Variants in CCDC112 observed in about 807,000 individuals in gnomAD.
CCDC112 encodes coiled-coil domain containing 112, also known as coiled-coil domain-containing protein 112.
CCDC112 carries 40 observed loss-of-function variants against 66.3 expected under a neutral mutation model. The ratio of observed to expected loss-of-function variants is 0.60; its 90% CI spans 0.47 to 0.79. CCDC112 has a LOEUF of 0.79. Among genes scored for constraint, CCDC112 ranks in the 30% least tolerant of loss-of-function variants. CCDC112 has a pLI of 0.00. For synonymous variants in CCDC112, 214 were observed against 197.2 expected (o/e 1.09, Z -0.71); for missense variants, 659 against 603.8 (o/e 1.09, Z -0.96).
intron 1 of CCDC112, among the ~76,000 whole-genome samples, chr5:115,289,921 G>A (rs767523332): frequency 4.6e-5 from 7 of 152,154 alleles, no homozygotes; most frequent in Non-Finnish European, 7.4e-5. Flanking sequence ...GGCCTCAAGC[G>A]ATCTTCCTGC....
At chr5:115,268,003 AAT>A in intron 9 of CCDC112, 85 bp from the exon 10 acceptor site, 6 of 1,026,666 alleles carry the variant, frequency 5.8e-6, no homozygotes, top group Non-Finnish European at 7.6e-6. Flanking sequence ...CTAACTTTAA[AAT>A]ATATATATAA....
chr5:115,277,629 C>T (rs905020360), intron 3 of CCDC112, among the ~76,000 whole-genome samples: 4 of 152,006 alleles, frequency 2.6e-5, no homozygotes, highest in Admixed American at 1.3e-4. Flanking sequence ...TGCCACAGGT[C>T]GCCAAGCTCA....
intron 3 of CCDC112, chr5:115,277,286 G>A (rs1025351849): frequency 2.6e-5 from 8 of 304,080 alleles, no homozygotes; most frequent in African/African-American, 6.5e-5. Flanking sequence ...ACTATAACCC[G>A]TGCTAAGGAA....
At chr5:115,281,899 T>A (rs1310811489) in intron 2 of CCDC112, among the ~76,000 whole-genome samples, 1 of 152,238 alleles carries the variant, frequency 6.6e-6, no homozygotes, top group East Asian at 1.9e-4. Flanking sequence ...TGTCTTCTCA[T>A]ACATTGTTGG....
At chr5:115,282,067 T>C (rs1749478890) in intron 2 of CCDC112, among the ~76,000 whole-genome samples, 1 of 152,172 alleles carries the variant, frequency 6.6e-6, no homozygotes, top group Non-Finnish European at 1.5e-5. Flanking sequence ...ATTGCAGCAC[T>C]GTTTGTTATT....
rs1202397058 is a variant in CCDC112, at chr5:115,275,220, T to A, written c.914A>T (p.Lys305Ile). 1.3e-5 allele frequency: 21 copies of A among 1,602,006 alleles called. No homozygotes were observed. Among genetic ancestry groups the A allele is most frequent in the Non-Finnish European group, 1.7e-5 (20 of 1,175,050 alleles). Reference protein sequence around the residue: ...QKFLALEERKKESIQIWKTKK... With the variant: ...QKFLALEERKIESIQIWKTKK... The stretch of plus-strand genomic sequence containing the variant: ...AATAGCTATTATAATTATTACCTCT[T>A]TTTTTCTTTCTTCTAGAGCCAGAAA... Residue 305 changes from lysine (K) to isoleucine (I), a missense_variant, in exon 6 of 10, where the codon AAA (lysine) becomes ATA (isoleucine). Physicochemically the swap from Lys to Ile is moderately radical, Grantham distance 102. Coordinates refer to ENST00000379611, the MANE Select transcript of CCDC112 (RefSeq NM_001040440.3).
intron 1 of CCDC112, 39 bp from the exon 2 acceptor site, chr5:115,284,947 T>C (rs773946796): frequency 1.0e-5 from 16 of 1,566,850 alleles, no homozygotes; most frequent in East Asian, 2.3e-5. Flanking sequence ...GTAATGAAAA[T>C]AGTAAGACAT....
rs146345469 is a variant in CCDC112 at position 115,273,871 on chromosome 5, G to A, written c.918+1345C>T. 7.3e-3 allele frequency among the ~76,000 whole-genome samples: 1,104 copies of A among 152,148 alleles called. 15 individuals are homozygous for A. Among genetic ancestry groups the A allele is most frequent in the African/African-American group, 0.025 (1,018 of 41,504 alleles). On this transcript the variant is annotated intron_variant, in intron 6 of 9. Coordinates refer to ENST00000379611, the MANE Select transcript of CCDC112 (RefSeq NM_001040440.3). ...GCATTCTGGGGAAAAAAGCCCAAATGACTTATGTTTCAAACATTTTTCTTA... is the reference window on the plus strand; with the variant it reads ...GCATTCTGGGGAAAAAAGCCCAAATAACTTATGTTTCAAACATTTTTCTTA...
At position 115,271,382 on chromosome 5, in the gene CCDC112, T is replaced by C. The variant is rs1748989244; in HGVS notation, c.1163A>G (p.Gln388Arg). ...CTTAAACTGGCGCTGGCGTTCTTTC[T>C]GATGTTTTTTCTCTTTCTCTTCTTC... ...KEEEEKEKKH[Q>R]KERQRQFKLK... is the part of the protein sequence containing the mutation. Residue 388 changes from glutamine (Q) to arginine (R), a missense_variant, in exon 7 of 10, where the codon CAG becomes CGG. Coordinates refer to ENST00000379611, the MANE Select transcript of CCDC112 (RefSeq NM_001040440.3). 6.2e-7 allele frequency: 1 copy of C among 1,610,740 alleles called. No individual in the cohort carries two copies. Among genetic ancestry groups the C allele is most frequent in the Admixed American group, 1.7e-5 (1 of 59,464 alleles).
chr5:115,288,032 G>A (rs1484543723), intron 1 of CCDC112, among the ~76,000 whole-genome samples: 1 of 150,416 alleles, frequency 6.6e-6, no homozygotes, highest in Middle Eastern at 3.2e-3. Flanking sequence ...CCAGGCTGGA[G>A]TACATTGGTA....
At chr5:115,294,454 G>C (rs1214278701) in intron 1 of CCDC112, among the ~76,000 whole-genome samples, 1 of 152,206 alleles carries the variant, frequency 6.6e-6, no homozygotes, top group African/African-American at 2.4e-5. Flanking sequence ...CTACAGGCCA[G>C]GAAAAGAGGC....
intron 6 of CCDC112, among the ~76,000 whole-genome samples, chr5:115,273,372 T>C (rs1275913953): frequency 2.0e-5 from 3 of 152,180 alleles, no homozygotes; most frequent in South Asian, 2.1e-4. Flanking sequence ...AAGTGGGAGA[T>C]AAAAATGGTA....
chr5:115,277,730 A>T (rs900377245), intron 3 of CCDC112, among the ~76,000 whole-genome samples: 3 of 152,232 alleles, frequency 2.0e-5, no homozygotes, highest in African/African-American at 7.2e-5. Context: ...AATTGTCTTT[A>T]TCAGCATAAA....
chr5:115,287,999 A>G (rs887009666), intron 1 of CCDC112, among the ~76,000 whole-genome samples: 4 of 150,952 alleles, frequency 2.6e-5, no homozygotes, highest in Non-Finnish European at 4.4e-5. Flanking sequence ...TTTCCCCCCG[A>G]GACGGAGTTT....
In CCDC112 at chr5:115,275,585, T is replaced by A; in HGVS notation, c.549A>T (p.Glu183Asp). 3.8e-6 allele frequency: 6 copies of A among 1,585,584 alleles called. No homozygotes were observed. Among genetic ancestry groups the A allele is most frequent in the Non-Finnish European group, 5.2e-6 (6 of 1,163,030 alleles). The change falls in exon 6 of 10, where the codon GAA becomes GAT. Residue 183 changes from glutamate to aspartate, a missense_variant. Physicochemically the swap from Glu to Asp is conservative, Grantham distance 45. Coordinates refer to ENST00000379611, the MANE Select transcript of CCDC112 (RefSeq NM_001040440.3). ...TCAACTCATTATTAGTTGTCTTCTC[T>A]TCTTTAATTAGCTCTTCATATCTAA... ...QRLIYEELIKEEKTTNNELSA... is the reference protein window; with the variant it reads ...QRLIYEELIKDEKTTNNELSA...
At chr5:115,271,805 A>T (rs962789577) in intron 6 of CCDC112, among the ~76,000 whole-genome samples, 179 bp from the exon 7 acceptor site, 4 of 152,104 alleles carry the variant, frequency 2.6e-5, no homozygotes, top group African/African-American at 9.7e-5. Flanking sequence ...GTTTTTTAAA[A>T]ATTGCTGTCT....
chr5:115,296,494 G>T lies in CCDC112; in HGVS notation c.50C>A (p.Ala17Asp). The T allele has an allele frequency of 6.4e-7, 1 of 1,558,434 alleles. No individual in the cohort carries two copies. The change falls in exon 1 of 10, where the codon GCC becomes GAC. Residue 17 changes from alanine to aspartate, a missense_variant. Coordinates refer to ENST00000379611, the MANE Select transcript of CCDC112 (RefSeq NM_001040440.3). ...CGCGCCCGCCCCTGCCACAGCCCCG[G>T]CTACCGCGGTGGCCGCAGCCGCTAC... is the stretch of plus-strand genomic sequence containing the variant. ...VVVAAAATAV[A>D]GAVAGAGAAT... is the part of the protein sequence containing the mutation.
At position 115,279,717 on chromosome 5, in the gene CCDC112, A is replaced by C; in HGVS notation, c.291T>G (p.Ser97Arg). 2 of 1,596,486 alleles carry C rather than the reference A, an allele frequency of 1.3e-6. No homozygotes were observed. The highest frequency in any genetic ancestry group is 1.7e-6 in the Non-Finnish European group (2 of 1,164,928). ...DKHSHFYNQKSDFRIEHSMLE... is the reference protein window; with the variant it reads ...DKHSHFYNQKRDFRIEHSMLE... The stretch of plus-strand genomic sequence containing the variant: ...GCATACTATGCTCAATTCTGAAGTC[A>C]CTTTTTTGGTTGTAGAAATGACTGT... The change falls in exon 3 of 10, where the codon AGT (serine) becomes AGG (arginine). Residue 97 changes from serine to arginine, a missense_variant. Ser to Arg is a moderately radical substitution (Grantham distance 110). Coordinates refer to ENST00000379611, the MANE Select transcript of CCDC112 (RefSeq NM_001040440.3).
Position 115,271,260 on chromosome 5 carries a change from C to T in CCDC112, c.1285G>A (p.Glu429Lys). Reference sequence around the variant, plus strand: ...TCATCAGCAGCATTTTTCCTTTTTTCTGCCTTTTCTGCCTTTTCCCTTATC... The same window carrying T: ...TCATCAGCAGCATTTTTCCTTTTTTTTGCCTTTTCTGCCTTTTCCCTTATC... ...KEIREKAEKA[E>K]KRKNAADEIS... The change falls in exon 7 of 10, where the codon GAA becomes AAA. Residue 429 changes from glutamate to lysine, a missense_variant. Glu to Lys is a moderately conservative substitution (Grantham distance 56, BLOSUM62 1). Coordinates refer to ENST00000379611, the MANE Select transcript of CCDC112 (RefSeq NM_001040440.3). The T allele has an allele frequency of 1.3e-6, 2 of 1,581,484 alleles. No homozygotes were observed. The highest frequency in any genetic ancestry group is 4.0e-5 in the Admixed American group (2 of 49,556).
Sources: gnomAD v4.1 joint callset for allele counts (sites outside exome capture counted in the v4.1 genomes callset) on GRCh38, gnomAD v4.1.1 for gene constraint, MANE v1.5 for transcripts, NCBI Gene and HGNC (gene_info 2026-07-23, HGNC 2026-07-21) for gene names.